SLC35F6: variants seen among roughly 807,000 people sequenced by gnomAD.
SLC35F6 encodes solute carrier family 35 member F6, also known as ANT2-binding protein.
SLC35F6 carries 26 observed loss-of-function variants against 29.4 expected under a neutral mutation model. The observed-to-expected ratio is 0.89, with a 90% confidence interval of 0.65 to 1.23. The LOEUF (loss-of-function observed/expected upper bound fraction) is 1.23. Among genes scored for constraint, SLC35F6 ranks in the 50% most tolerant of loss-of-function variants. The pLI, the probability that SLC35F6 is intolerant of heterozygous loss-of-function variation, is 0.00. For synonymous variants in SLC35F6, 174 were observed against 206.6 expected, an observed-to-expected ratio of 0.84 and a Z score of 1.35; for missense variants, 428 against 487.8, an observed-to-expected ratio of 0.88 and a Z score of 1.15.
chr2:26,764,316 C>T lies in SLC35F6; in HGVS notation c.-34C>T. ...AGACCCCGGGTGACGGGGCCCGGCGCCGCTAACTGGAGCGAACCCCAGCGT... is the reference window on the plus strand; with the variant it reads ...AGACCCCGGGTGACGGGGCCCGGCGTCGCTAACTGGAGCGAACCCCAGCGT... On this transcript the variant is annotated 5_prime_UTR_variant, in exon 1 of 6. Transcript: ENST00000344420. 6.5e-7 allele frequency: 1 copy of T among 1,547,748 alleles called. No homozygotes were observed. The highest frequency in any genetic ancestry group is 1.4e-5 in the African/African-American group (1 of 72,828).
At position 26,764,396 on chromosome 2, in the gene SLC35F6, T is replaced by G; in HGVS notation, c.47T>G (p.Val16Gly). ...YQLFLAGLML[V>G]TGSINTLSAK... ...CTGTTCCTGGCCGGGCTCATGCTTG[T>G]TACCGGCTCCATCAACACGCTCTCG... The change falls in exon 1 of 6, where the codon GTT (valine) becomes GGT (glycine). Residue 16 changes from valine (V) to glycine (G), a missense_variant. Transcript: ENST00000344420. The G allele has an allele frequency of 6.4e-7, 1 of 1,551,100 alleles. No individual in the cohort carries two copies. The highest frequency in any genetic ancestry group is 8.7e-7 in the Non-Finnish European group (1 of 1,146,848).
chr2:26,768,463 C>T (rs905198660), intron 1 of SLC35F6, among the ~76,000 whole-genome samples: 4 of 151,078 alleles, frequency 2.6e-5, no homozygotes, highest in Admixed American at 6.6e-5. Flanking sequence ...CCCGGGTGAA[C>T]GCATTCTCAT....
chr2:26,777,830 A>C (rs1664329074), intron 5 of SLC35F6, among the ~76,000 whole-genome samples: 1 of 152,024 alleles, frequency 6.6e-6, no homozygotes, highest in South Asian at 2.1e-4. Flanking sequence ...TGATCCAGTC[A>C]AAAAAACCCT....
At position 26,775,289 on chromosome 2, in the gene SLC35F6, A is replaced by T; in HGVS notation, c.322+74A>T. On this transcript the variant is annotated intron_variant, in intron 3 of 5. Transcript: ENST00000344420. This position sits in a 1 kb window ranked among gnomAD's most constrained non-coding sequence, Gnocchi z 4.6. ...AAGGGGCTACTGGTGAAACAGCCCT[A>T]TCCCACCCACCTCCACTTCATCCCA... The T allele has an allele frequency of 6.4e-7, 1 of 1,556,430 alleles. No individual in the cohort carries two copies. The highest frequency in any genetic ancestry group is 8.7e-7 in the Non-Finnish European group (1 of 1,149,268).
At chr2:26,776,259 T>C (rs1220807197) in intron 4 of SLC35F6, 113 bp from the exon 5 acceptor site, 4 of 846,180 alleles carry the variant, frequency 4.7e-6, no homozygotes, top group Non-Finnish European at 7.6e-6. Flanking sequence ...CTATGAACTA[T>C]AGGGGGCCCT....
chr2:26,776,474 GC>G lies in SLC35F6; in HGVS notation c.639del (p.Thr214LeufsTer8). ...KHNVHPLRAV[G>X]TEGLFGFVIL... is the part of the protein sequence containing the mutation. ...AATGTGCACCCACTGCGGGCAGTTG[GC>G]ACTGAGGGTGTGTGTGGGCACAGGG... is the stretch of plus-strand genomic sequence containing the variant. On this transcript the variant is annotated frameshift_variant, in exon 5 of 6. Transcript: ENST00000344420. LOFTEE classifies it high-confidence loss of function. 2 of 1,614,142 alleles carry G rather than the reference GC, an allele frequency of 1.2e-6. No homozygotes were observed. Among genetic ancestry groups the G allele is most frequent in the Non-Finnish European group, 1.7e-6 (2 of 1,179,992 alleles).
intron 1 of SLC35F6, among the ~76,000 whole-genome samples, chr2:26,769,172 G>A (rs1664147967): frequency 1.3e-5 from 2 of 152,200 alleles, no homozygotes; most frequent in African/African-American, 4.8e-5. Context: ...CAGCCCCATC[G>A]CCACTTCCTC....
intron 1 of SLC35F6, chr2:26,764,825 G>A (rs1026691097): frequency 8.7e-5 from 86 of 985,270 alleles, no homozygotes; most frequent in Non-Finnish European, 9.9e-5. Context: ...CCCAGTGAGC[G>A]TGGAGGCCTC....
At chr2:26,764,576 G>C in intron 1 of SLC35F6, 150 bp downstream of exon 1, 1 of 1,104,550 alleles carries the variant, frequency 9.1e-7, no homozygotes, top group Non-Finnish European at 1.3e-6. Flanking sequence ...CAAGGGATGC[G>C]AGGCCCGGGG....
intron 1 of SLC35F6, among the ~76,000 whole-genome samples, chr2:26,768,656 CTT>C (rs569353471): frequency 4.8e-4 from 60 of 123,836 alleles, no homozygotes; most frequent in Middle Eastern, 5.6e-3. Context: ...TGTGCCCAGC[CTT>C]TTTTTTTTTT....
chr2:26,777,784 G>A lies in SLC35F6; in HGVS notation c.647-258G>A, dbSNP rs189842812. On this transcript the variant is annotated intron_variant, in intron 5 of 5. Coordinates refer to ENST00000344420, the MANE Select transcript of SLC35F6 (RefSeq NM_017877.4). ...TGTGTCCATGAACCTGTGCACACGT[G>A]TACTGGGTCACAATATAAAATGTAT... Among the ~76,000 whole-genome samples, 32 of 150,624 alleles carry A rather than the reference G, an allele frequency of 2.1e-4. No homozygotes were observed. In the East Asian group the frequency reaches 4.6e-3, roughly 22 times the overall value.
At chr2:26,767,994 A>G (rs968153859) in intron 1 of SLC35F6, among the ~76,000 whole-genome samples, 2 of 152,236 alleles carry the variant, frequency 1.3e-5, no homozygotes, top group South Asian at 2.1e-4. Flanking sequence ...TGCCCAGGCC[A>G]GGGACCCTGC....
intron 1 of SLC35F6, among the ~76,000 whole-genome samples, chr2:26,765,334 A>G (rs568457463): frequency 4.8e-5 from 7 of 146,406 alleles, no homozygotes; most frequent in African/African-American, 1.6e-4. Flanking sequence ...TGGGGGTGAG[A>G]GGGGGGACAG....
chr2:26,780,366 G>T lies in SLC35F6; in HGVS notation c.*1855G>T, dbSNP rs1452069425. On this transcript the variant is annotated 3_prime_UTR_variant, in exon 6 of 6. Transcript: ENST00000344420. ...GCCACATGATTCTGCAGCAGACAGGGACCTAGAGCACATCTGGATCTCAGC... is the reference window on the plus strand; with the variant it reads ...GCCACATGATTCTGCAGCAGACAGGTACCTAGAGCACATCTGGATCTCAGC... The T allele has an allele frequency of 6.6e-6, 1 of 152,158 alleles. No homozygotes were observed. The highest frequency in any genetic ancestry group is 2.4e-5 in the African/African-American group (1 of 41,412). 9.4% of individuals were successfully genotyped at this position (152,158 alleles called of 1,614,324 possible). A position where few individuals can be genotyped will look rare whatever the true frequency, so the allele number is the denominator to read the frequency against.
At chr2:26,774,379 C>T in intron 2 of SLC35F6, 56 bp downstream of exon 2, 2 of 1,594,580 alleles carry the variant, frequency 1.3e-6, no homozygotes, top group Non-Finnish European at 1.7e-6. Flanking sequence ...CCAGGCGCCA[C>T]CCCCGGCCAT....
chr2:26,775,090 A>G lies in SLC35F6; in HGVS notation c.197A>G (p.Tyr66Cys), dbSNP rs141186041. 2.2e-5 allele frequency: 35 copies of G among 1,613,566 alleles called. 1 individual carries two copies. Among genetic ancestry groups the G allele is most frequent in the Middle Eastern group, 1.6e-4 (1 of 6,084 alleles). The change falls in exon 3 of 6, where the codon TAC becomes TGC. Residue 66 changes from tyrosine (Y) to cysteine (C), a missense_variant. Transcript: ENST00000344420. The surrounding 1 kb of genome is among the most constrained non-coding windows in gnomAD (Gnocchi z 4.6). Reference protein sequence around the residue: ...LGEFSCLAAFYLLRCRAAGQS... With the variant: ...LGEFSCLAAFCLLRCRAAGQS... ...GAATTCTCCTGCCTGGCTGCCTTCT[A>G]CCTCCTCCGATGCAGAGCTGCAGGG...
At position 26,778,536 on chromosome 2, in the gene SLC35F6, A is replaced by G; in HGVS notation, c.*25A>G. The G allele has an allele frequency of 6.5e-7, 1 of 1,547,482 alleles. No individual in the cohort carries two copies. The highest frequency in any genetic ancestry group is 8.7e-7 in the Non-Finnish European group (1 of 1,150,590). ...AGGTTCCCTGGAGGCTTCTACTGCC[A>G]CCCGGGTGCTCCTTCTCCCTGAGAC... On this transcript the variant is annotated 3_prime_UTR_variant, in exon 6 of 6. Coordinates refer to ENST00000344420, the MANE Select transcript of SLC35F6 (RefSeq NM_017877.4).
intron 5 of SLC35F6, 45 bp downstream of exon 5, chr2:26,776,527 G>C: frequency 6.4e-7 from 1 of 1,567,748 alleles, no homozygotes; most frequent in East Asian, 2.2e-5. Context: ...GTAGAAGGGA[G>C]CCTGGGGAGC....
In SLC35F6 at chr2:26,776,486, T is replaced by G; in HGVS notation, c.646+4T>G. 2 of 1,613,764 alleles carry G rather than the reference T, an allele frequency of 1.2e-6. No individual in the cohort carries two copies. Among genetic ancestry groups the G allele is most frequent in the Non-Finnish European group, 1.7e-6 (2 of 1,179,704 alleles). The stretch of plus-strand genomic sequence containing the variant: ...CTGCGGGCAGTTGGCACTGAGGGTG[T>G]GTGTGGGCACAGGGGCCTGGAAGGA... On this transcript the variant is annotated splice_donor_region_variant and intron_variant, in intron 5 of 5. Coordinates refer to ENST00000344420, the MANE Select transcript of SLC35F6 (RefSeq NM_017877.4).
Sources: gnomAD v4.1 joint callset for allele counts (sites outside exome capture counted in the v4.1 genomes callset) on GRCh38, gnomAD v4.1.1 for gene constraint, Gnocchi (gnomAD v3.1) non-coding constraint, MANE v1.5 for transcripts, NCBI Gene and HGNC (gene_info 2026-07-23, HGNC 2026-07-21) for gene names.